The following RBFOX1 variants were observed in gnomAD, a reference collection of about 807,000 sequenced individuals.
RBFOX1 encodes the protein RNA binding fox-1 homolog 1.
In RBFOX1, 8 loss-of-function variants were observed where a neutral mutation model predicts 57.7. The ratio of observed to expected loss-of-function variants is 0.14; its 90% confidence interval spans 0.08 to 0.25. RBFOX1 has a LOEUF of 0.25. Ranked by LOEUF, RBFOX1 falls within the 10% of genes least tolerant of loss-of-function variation. The pLI, the probability that RBFOX1 is intolerant of heterozygous loss-of-function variation, is 1.00. For synonymous variants in RBFOX1, 326 were observed against 222.4 expected (o/e 1.47, Z -4.15); for missense variants, 611 against 548.5 (o/e 1.11, Z -1.14).
chr16:7,054,048 C>G (rs1015340084), intron 4 of RBFOX1, among the ~76,000 whole-genome samples: 1 of 151,780 alleles, frequency 6.6e-6, no homozygotes, highest in African/African-American at 2.4e-5. Flanking sequence ...TGGTAGCTAT[C>G]TCATCTGTAG....
intron 2 of RBFOX1, among the ~76,000 whole-genome samples, chr16:6,488,209 A>G (rs896051150): frequency 2.0e-5 from 3 of 152,314 alleles, no homozygotes; most frequent in African/African-American, 7.2e-5. Flanking sequence ...CATTTGCCAC[A>G]GTACTGTGGA....
At chr16:6,660,617 C>T (rs1440296380) in intron 3 of RBFOX1, among the ~76,000 whole-genome samples, 4 of 152,074 alleles carry the variant, frequency 2.6e-5, no homozygotes, top group Non-Finnish European at 5.9e-5. Flanking sequence ...GCTTTCTTAC[C>T]CTGTATATAT....
intron 2 of RBFOX1, among the ~76,000 whole-genome samples, chr16:6,627,496 C>A (rs932816591): frequency 1.3e-5 from 2 of 152,118 alleles, no homozygotes; most frequent in African/African-American, 4.8e-5. Flanking sequence ...GAAACTTGCT[C>A]CCTGAAACAG....
At chr16:7,481,245 A>G (rs1036174031) in intron 4 of RBFOX1, among the ~76,000 whole-genome samples, 2 of 152,218 alleles carry the variant, frequency 1.3e-5, no homozygotes, top group East Asian at 3.9e-4. Context: ...ACAGCAAGAA[A>G]CATAGAGCCC....
chr16:5,701,299 A>G (rs550388954), intron 3 of RBFOX1, among the ~76,000 whole-genome samples: 3 of 152,342 alleles, frequency 2.0e-5, no homozygotes, highest in South Asian at 2.1e-4. Flanking sequence ...TTGAATTCCA[A>G]TGTAATGCAA....
intron 4 of RBFOX1, among the ~76,000 whole-genome samples, chr16:5,957,207 T>TTTTTTC (rs1317362119): frequency 6.6e-6 from 1 of 152,130 alleles, no homozygotes; most frequent in Non-Finnish European, 1.5e-5. Context: ...ACAATTTATT[T>TTTTTTC]TTTTTCTTTT....
chr16:7,515,569 A>G (rs1467357854), intron 4 of RBFOX1, among the ~76,000 whole-genome samples: 1 of 152,330 alleles, frequency 6.6e-6, no homozygotes, highest in East Asian at 1.9e-4. Context: ...CACAATGTAT[A>G]CATATGTCAA....
chr16:5,754,170 G>T (rs2053314517), intron 3 of RBFOX1, among the ~76,000 whole-genome samples: 1 of 152,260 alleles, frequency 6.6e-6, no homozygotes, highest in African/African-American at 2.4e-5. Flanking sequence ...TTAAAAGCCG[G>T]AATAGTTTTG....
At chr16:5,281,136 A>G (rs2063262330) in intron 1 of RBFOX1, among the ~76,000 whole-genome samples, 1 of 151,776 alleles carries the variant, frequency 6.6e-6, no homozygotes, top group African/African-American at 2.4e-5. Context: ...ATGTGTTTCC[A>G]TTTTCTGTTT....
chr16:5,867,374 T>C (rs1044247813), intron 4 of RBFOX1: 11 of 1,132,640 alleles, frequency 9.7e-6, no homozygotes, highest in Non-Finnish European at 1.2e-5. Context: ...AGAAGATAGT[T>C]TGAAGTGGGT....
intron 4 of RBFOX1, among the ~76,000 whole-genome samples, chr16:5,961,105 A>G (rs2059738911): frequency 6.6e-6 from 1 of 152,214 alleles, no homozygotes; most frequent in Non-Finnish European, 1.5e-5. Context: ...CTAACCTCTC[A>G]CAACCCTCTG....
intron 3 of RBFOX1, among the ~76,000 whole-genome samples, chr16:6,805,327 G>A (rs1254185488): frequency 1.3e-5 from 2 of 152,172 alleles, no homozygotes; most frequent in East Asian, 1.9e-4. Context: ...TTACAAGTGG[G>A]AATTCAGTGA....
At chr16:7,107,049 A>G (rs190313425) in intron 4 of RBFOX1, among the ~76,000 whole-genome samples, 14 of 152,006 alleles carry the variant, frequency 9.2e-5, no homozygotes, top group South Asian at 2.1e-4. Context: ...GGTAAGTGCT[A>G]TGATGTCAGG....
intron 6 of RBFOX1, among the ~76,000 whole-genome samples, chr16:7,584,757 G>A (rs1046394036): frequency 3.9e-5 from 6 of 152,150 alleles, no homozygotes; most frequent in African/African-American, 1.4e-4. Flanking sequence ...CATTAGTAGC[G>A]AACTTCCCAA....
At chr16:5,625,204 C>A (rs2048313396) in intron 3 of RBFOX1, among the ~76,000 whole-genome samples, 1 of 151,500 alleles carries the variant, frequency 6.6e-6, no homozygotes, top group Non-Finnish European at 1.5e-5. Flanking sequence ...CCCCCCAGAA[C>A]AGGGCAGGAT....
chr16:5,981,553 C>G (rs1291254703), intron 4 of RBFOX1, among the ~76,000 whole-genome samples: 1 of 152,164 alleles, frequency 6.6e-6, no homozygotes, highest in African/African-American at 2.4e-5. Context: ...ACTGCAGCCT[C>G]CGCCTCCCAG....
intron 1 of RBFOX1, among the ~76,000 whole-genome samples, chr16:6,086,499 C>T (rs34475667): frequency 0.47 from 71,434 of 151,530 alleles, 17,421 homozygotes; most frequent in Non-Finnish European, 0.56. Context: ...TTCATTGAGG[C>T]CTGAGTGTTC....
chr16:7,383,629 A>G (rs1360485953), intron 4 of RBFOX1, among the ~76,000 whole-genome samples: 7 of 152,218 alleles, frequency 4.6e-5, no homozygotes, highest in Admixed American at 4.6e-4. Context: ...AGCTGAGAAT[A>G]TGACACCTTC....
chr16:6,185,059 G>A (rs111312660), intron 1 of RBFOX1, among the ~76,000 whole-genome samples: 89 of 152,270 alleles, frequency 5.8e-4, no homozygotes, highest in African/African-American at 1.8e-3. Flanking sequence ...AGCTCTGTGC[G>A]TCTGTAGAAC....
Sources: gnomAD v4.1 joint callset for allele counts (sites outside exome capture counted in the v4.1 genomes callset) on GRCh38, gnomAD v4.1.1 for gene constraint, MANE v1.5 for transcripts, NCBI Gene and HGNC (gene_info 2026-07-23, HGNC 2026-07-21) for gene names.